The following ITGA4 variants were observed in gnomAD, a reference collection of about 807,000 sequenced individuals.
The protein encoded by ITGA4 is integrin alpha-4.
ITGA4 carries 63 observed loss-of-function variants against 133.6 expected under a neutral mutation model. The ratio of observed to expected loss-of-function variants is 0.47; its 90% confidence interval spans 0.38 to 0.58. ITGA4 has a LOEUF of 0.58. ITGA4 is among the 20% of genes least tolerant of loss of function. The probability of loss-of-function intolerance (pLI) is 0.00; values close to 1 mark genes in which losing one functional copy is unlikely to be tolerated. For synonymous variants in ITGA4, 483 were observed against 438.0 expected (o/e 1.10, Z -1.28); for missense variants, 1,076 against 1,252.7 (o/e 0.86, Z 2.13).
rs188628120 is a variant in ITGA4 at position 181,534,371 on chromosome 2, G to A, written c.2883+1G>A. The A allele has an allele frequency of 2.0e-6, 3 of 1,495,444 alleles. No homozygotes were observed. Among genetic ancestry groups the A allele is most frequent in the South Asian group, 1.1e-5 (1 of 87,854 alleles). 92.6% of individuals were successfully genotyped at this position (1,495,444 alleles called of 1,614,324 possible). ...AAACAAGGATGAGAATGTTGCGCAT[G>A]TAAGATTACCCTCTTAACTGCTACA... is the stretch of plus-strand genomic sequence containing the variant. On this transcript the variant is annotated splice_donor_variant, in intron 26 of 27. Transcript: ENST00000397033. LOFTEE classifies it high-confidence loss of function.
chr2:181,500,914 G>A (rs889464458), intron 15 of ITGA4, among the ~76,000 whole-genome samples: 5 of 152,122 alleles, frequency 3.3e-5, no homozygotes. Flanking sequence ...TATTTTGGAA[G>A]ATACAGGTGA....
At position 181,480,149 on chromosome 2, in the gene ITGA4, A is replaced by G; in HGVS notation, c.637A>G (p.Met213Val). 2 of 1,547,516 alleles carry G rather than the reference A, an allele frequency of 1.3e-6. No individual in the cohort carries two copies. Among genetic ancestry groups the G allele is most frequent in the South Asian group, 1.3e-5 (1 of 78,648 alleles). The change falls in exon 6 of 28, where the codon ATG becomes GTG. Residue 213 changes from methionine (M) to valine (V), a missense_variant. Met to Val is a conservative substitution (Grantham distance 21). Around this residue, in one of 4 missense-constraint regions of ITGA4, gnomAD observed 436 missense variants for 590.7 expected, o/e 0.74. Coordinates refer to ENST00000397033, the MANE Select transcript of ITGA4 (RefSeq NM_000885.6). Reference sequence around the variant, plus strand: ...TTTTTTCTTACAGGATTTAATTGTGATGGGGGCCCCAGGATCATCTTACTG... The same window carrying G: ...TTTTTTCTTACAGGATTTAATTGTGGTGGGGGCCCCAGGATCATCTTACTG... ...SSFYTKDLIV[M>V]GAPGSSYWTG...
At chr2:181,511,856 G>A in intron 17 of ITGA4, 81 bp downstream of exon 17, 1 of 711,632 alleles carries the variant, frequency 1.4e-6, no homozygotes, top group Non-Finnish European at 2.5e-6. Context: ...CAAAAGAAAA[G>A]GAACAAGAGC....
intron 15 of ITGA4, among the ~76,000 whole-genome samples, chr2:181,507,874 G>A (rs1292536455): frequency 1.3e-5 from 2 of 152,088 alleles, no homozygotes; most frequent in Non-Finnish European, 2.9e-5. Flanking sequence ...ACAGAGGGCT[G>A]ACTCTCTTTG....
intron 23 of ITGA4, 133 bp from the exon 24 acceptor site, chr2:181,530,391 A>C: frequency 1.3e-6 from 1 of 796,574 alleles, no homozygotes; most frequent in Non-Finnish European, 1.9e-6. Flanking sequence ...CTGTCAAAAA[A>C]ATTTCTACAA....
At position 181,490,201 on chromosome 2, in the gene ITGA4, C is replaced by G. The variant is rs1432857232; in HGVS notation, c.1154-3124C>G. On this transcript the variant is annotated intron_variant, in intron 10 of 27. Coordinates refer to ENST00000397033, the MANE Select transcript of ITGA4 (RefSeq NM_000885.6). ...GGCCCAGGATGTGGGGCCAGGCTGTCTGCTTGTGGATTTCATTTCTGCCTT... is the reference window on the plus strand; with the variant it reads ...GGCCCAGGATGTGGGGCCAGGCTGTGTGCTTGTGGATTTCATTTCTGCCTT... Among the ~76,000 whole-genome samples the G allele has an allele frequency of 2.6e-5, 4 of 152,266 alleles. No homozygotes were observed. The East Asian group carries it at 5.8e-4, about 22-fold the overall frequency.
chr2:181,460,878 G>A (rs1431832018), intron 2 of ITGA4, among the ~76,000 whole-genome samples: 7 of 151,970 alleles, frequency 4.6e-5, no homozygotes, highest in Non-Finnish European at 7.4e-5. Flanking sequence ...ATTTTTGTTG[G>A]CTGAAGAAAA....
At chr2:181,509,568 A>C (rs948884683) in intron 15 of ITGA4, 90 bp from the exon 16 acceptor site, 26 of 879,956 alleles carry the variant, frequency 3.0e-5, no homozygotes, top group Non-Finnish European at 4.3e-5. Context: ...TTCCATGTAT[A>C]GTGTTTGGCC....
intron 20 of ITGA4, 42 bp downstream of exon 20, chr2:181,524,292 C>T (rs774244925): frequency 8.8e-7 from 1 of 1,142,732 alleles, no homozygotes; most frequent in Non-Finnish European, 1.3e-6. Flanking sequence ...AATATACCCC[C>T]ATATTCTGAG....
At chr2:181,474,369 A>G (rs919230792) in intron 2 of ITGA4, among the ~76,000 whole-genome samples, 1 of 152,202 alleles carries the variant, frequency 6.6e-6, no homozygotes, top group Non-Finnish European at 1.5e-5. Flanking sequence ...AATCACTTTT[A>G]TCTCTGTTGA....
intron 9 of ITGA4, among the ~76,000 whole-genome samples, chr2:181,485,078 C>A (rs955576452): frequency 1.3e-5 from 2 of 152,198 alleles, no homozygotes; most frequent in African/African-American, 4.8e-5. Flanking sequence ...CTTCCTCCTT[C>A]CTAGTTATCA....
chr2:181,532,807 C>G (rs940497627), intron 25 of ITGA4, among the ~76,000 whole-genome samples: 4 of 152,166 alleles, frequency 2.6e-5, no homozygotes, highest in Admixed American at 2.6e-4. Context: ...AGAGGGCATC[C>G]TTGTCTTGTG....
Position 181,530,562 on chromosome 2 carries a change from A to G in ITGA4, c.2577A>G (p.Arg859=). The G allele has an allele frequency of 6.2e-7, 1 of 1,612,940 alleles. No individual in the cohort carries two copies. Among genetic ancestry groups the G allele is most frequent in the Non-Finnish European group, 8.5e-7 (1 of 1,179,058 alleles). Residue 859 remains arginine (R), a synonymous_variant, in exon 24 of 28, where the codon AGA becomes AGG. Transcript: ENST00000397033. ...TGECHFENYQ[R]VCALEQQKSA... ...AATGCCACTTTGAAAATTATCAAAG[A>G]GTGTGTGCATTAGAGCAGCAAAAGA...
At position 181,480,235 on chromosome 2, in the gene ITGA4, A is replaced by C. The variant is rs755912850; in HGVS notation, c.723A>C (p.Lys241Asn). 2.7e-6 allele frequency: 4 copies of C among 1,479,454 alleles called. No homozygotes were observed. The highest frequency in any genetic ancestry group is 3.6e-6 in the Non-Finnish European group (4 of 1,104,098). 91.6% of individuals were successfully genotyped at this position (1,479,454 alleles called of 1,614,324 possible). A position where few individuals can be genotyped will look rare whatever the true frequency, so the allele number is the denominator to read the frequency against. Reference sequence around the variant, plus strand: ...ATAAATACAAGGCTTTTTTAGACAAACAAAATCAAGTAAAATTTGGAAGTT... The same window carrying C: ...ATAAATACAAGGCTTTTTTAGACAACCAAAATCAAGTAAAATTTGGAAGTT... The part of the protein sequence containing the change: ...TTNKYKAFLD[K>N]QNQVKFGSYL... Residue 241 changes from lysine (K) to asparagine (N), a missense_variant, in exon 6 of 28, where the codon AAA (lysine) becomes AAC (asparagine). Physicochemically the swap from Lys to Asn is moderately conservative, Grantham distance 94 (BLOSUM62 0). This residue lies in a region of ITGA4 where 436 missense variants were observed against 590.7 expected (regional missense o/e 0.74). Transcript: ENST00000397033.
At chr2:181,477,918 A>C (rs958031192) in intron 4 of ITGA4, among the ~76,000 whole-genome samples, 4 of 152,160 alleles carry the variant, frequency 2.6e-5, no homozygotes, top group Non-Finnish European at 5.9e-5. Context: ...CAGCATTCAC[A>C]ATAGCCAAGT....
chr2:181,487,354 C>T (rs1285620012), intron 10 of ITGA4, among the ~76,000 whole-genome samples: 1 of 152,000 alleles, frequency 6.6e-6, no homozygotes, highest in Non-Finnish European at 1.5e-5. Context: ...TAAGAGGGAT[C>T]ATGTCATATT....
intron 15 of ITGA4, among the ~76,000 whole-genome samples, chr2:181,501,980 T>C (rs1686283131): frequency 6.6e-6 from 1 of 152,050 alleles, no homozygotes; most frequent in African/African-American, 2.4e-5. Flanking sequence ...CCACCGTCTG[T>C]ACTCTGGGCC....
At chr2:181,458,576 T>G in intron 2 of ITGA4, 1 of 468,322 alleles carries the variant, frequency 2.1e-6, no homozygotes, top group Non-Finnish European at 3.9e-6. Context: ...TATGATACCT[T>G]CTCTTCATCT....
Position 181,532,414 on chromosome 2 carries a change from G to C in ITGA4, c.2784+638G>C, listed in dbSNP as rs562233338. Among the ~76,000 whole-genome samples the C allele has an allele frequency of 2.0e-5, 3 of 152,066 alleles. No homozygotes were observed. In the South Asian group the frequency reaches 6.2e-4, roughly 32 times the overall value. On this transcript the variant is annotated intron_variant, in intron 25 of 27. Coordinates refer to ENST00000397033, the MANE Select transcript of ITGA4 (RefSeq NM_000885.6). ...ATAGAATATTTTTTTCCATTTGTTT[G>C]TGTCCTCTTATTTCCTTGAGCAGTG... is the stretch of plus-strand genomic sequence containing the variant.
Sources: gnomAD v4.1 joint callset for allele counts (sites outside exome capture counted in the v4.1 genomes callset) on GRCh38, gnomAD v4.1.1 for gene constraint, gnomAD v4.1.1 regional missense constraint, MANE v1.5 for transcripts, NCBI Gene and HGNC (gene_info 2026-07-23, HGNC 2026-07-21) for gene names.